The following EPM2AIP1 variants were observed in gnomAD, a reference collection of about 807,000 sequenced individuals.
EPM2AIP1 encodes EPM2A interacting protein 1.
In EPM2AIP1, 23 loss-of-function variants were observed where a neutral mutation model predicts 44.8. The ratio of observed to expected loss-of-function variants is 0.51; its 90% CI spans 0.37 to 0.73. The LOEUF is 0.73. Ranked by LOEUF, EPM2AIP1 falls within the 30% of genes least tolerant of loss-of-function variation. The pLI is 0.00. For synonymous variants in EPM2AIP1, 311 were observed against 284.3 expected (o/e 1.09, Z -0.94); for missense variants, 652 against 743.9 (o/e 0.88, Z 1.44).
Position 36,991,409 on chromosome 3 carries a change from A to G in EPM2AIP1, c.1669T>C (p.Cys557Arg). ...GTCAAATATGAAAAAGCCTTTTCAC[A>G]GATTTGGTTACTATCAAACAAGGAT... ...VASLFDSNQI[C>R]EKAFSYLTRN... Residue 557 changes from cysteine to arginine, a missense_variant, in exon 1 of 1, where the codon TGT becomes CGT. Coordinates refer to ENST00000322716, the MANE Select transcript of EPM2AIP1 (RefSeq NM_014805.4). 1 of 1,614,006 alleles carries G rather than the reference A, an allele frequency of 6.2e-7. No individual in the cohort carries two copies. The highest frequency in any genetic ancestry group is 1.1e-5 in the South Asian group (1 of 91,076).
Position 36,992,305 on chromosome 3 carries a change from C to G in EPM2AIP1, c.773G>C (p.Gly258Ala). ...CTTTTCTCTCATGTATGAGACGAGT[C>G]CTGAGTTCTCACCAATCATCCTCAA... The part of the protein sequence containing the change: ...HTLRMIGENS[G>A]LVSYMREKAV... Residue 258 changes from glycine to alanine, a missense_variant, in exon 1 of 1, where the codon GGA becomes GCA. Physicochemically the swap from Gly to Ala is moderately conservative, Grantham distance 60. Coordinates refer to ENST00000322716, the MANE Select transcript of EPM2AIP1 (RefSeq NM_014805.4). This position sits in a 1 kb window ranked among gnomAD's most constrained non-coding sequence, Gnocchi z 5.3. 8.1e-6 allele frequency: 13 copies of G among 1,613,948 alleles called. No homozygotes were observed. The highest frequency in any genetic ancestry group is 1.0e-5 in the Non-Finnish European group (12 of 1,179,894).
rs1445663178 is a variant in EPM2AIP1, at chr3:36,991,243, A to C, written c.*11T>G. On this transcript the variant is annotated 3_prime_UTR_variant, in exon 1 of 1. Transcript: ENST00000322716. ...TTCTTGTTGAGTTTTTCAATCTTGT[A>C]CTACAAAGCCTTATGGATTAGATTC... The C allele has an allele frequency of 6.4e-7, 1 of 1,551,054 alleles. No homozygotes were observed. The highest frequency in any genetic ancestry group is 1.4e-5 in the African/African-American group (1 of 72,234).
Position 36,991,058 on chromosome 3 carries a change from A to G in EPM2AIP1, c.*196T>C, listed in dbSNP as rs764134212. The G allele has an allele frequency of 3.1e-6, 4 of 1,277,108 alleles. No homozygotes were observed. The highest frequency in any genetic ancestry group is 4.0e-6 in the Non-Finnish European group (4 of 1,011,656). 79.1% of individuals were successfully genotyped at this position (1,277,108 alleles called of 1,614,324 possible). On this transcript the variant is annotated 3_prime_UTR_variant, in exon 1 of 1. Transcript: ENST00000322716. ...TAAACTAAGTTTTAAAAAAGGTGGC[A>G]TTCTCATGTTTCAGTCCCATGCTGC... is the stretch of plus-strand genomic sequence containing the variant.
In EPM2AIP1 at chr3:36,987,284, C is replaced by T. The variant is rs1187009177; in HGVS notation, c.*3970G>A. 6.6e-6 allele frequency: 1 copy of T among 152,374 alleles called. No homozygotes were observed. The highest frequency in any genetic ancestry group is 1.5e-5 in the Non-Finnish European group (1 of 67,988). 9.4% of individuals were successfully genotyped at this position (152,374 alleles called of 1,614,324 possible). A position where few individuals can be genotyped will look rare whatever the true frequency, so the allele number is the denominator to read the frequency against. On this transcript the variant is annotated 3_prime_UTR_variant, in exon 1 of 1. Coordinates refer to ENST00000322716, the MANE Select transcript of EPM2AIP1 (RefSeq NM_014805.4). Reference sequence around the variant, plus strand: ...TGCCATTTTCTCCTAGTGTTGATGCCTACAAAAGGAAAAATGATTATTAAC... The same window carrying T: ...TGCCATTTTCTCCTAGTGTTGATGCTTACAAAAGGAAAAATGATTATTAAC...
At position 36,989,740 on chromosome 3, in the gene EPM2AIP1, G is replaced by C. The variant is rs899335259; in HGVS notation, c.*1514C>G. The C allele has an allele frequency of 1.4e-4, 21 of 152,022 alleles. No homozygotes were observed. The highest frequency in any genetic ancestry group is 4.8e-4 in the African/African-American group (20 of 41,378). 9.4% of individuals were successfully genotyped at this position (152,022 alleles called of 1,614,324 possible). On this transcript the variant is annotated 3_prime_UTR_variant, in exon 1 of 1. Transcript: ENST00000322716. ...GCTTAAATGCCAACAGAAGCCCCTA[G>C]TAAATATGACAACCAAAAAAGTGCC... is the stretch of plus-strand genomic sequence containing the variant.
At position 36,991,068 on chromosome 3, in the gene EPM2AIP1, T is replaced by C; in HGVS notation, c.*186A>G. ...TTTAAAAAAGGTGGCATTCTCATGT[T>C]TCAGTCCCATGCTGCCATTTGAGAT... On this transcript the variant is annotated 3_prime_UTR_variant, in exon 1 of 1. Transcript: ENST00000322716. 2 of 1,308,140 alleles carry C rather than the reference T, an allele frequency of 1.5e-6. No homozygotes were observed. Among genetic ancestry groups the C allele is most frequent in the Non-Finnish European group, 1.9e-6 (2 of 1,029,118 alleles). The allele number at this position is 1,308,140 out of a possible 1,614,324, so 81.0% of individuals were successfully genotyped here.
In EPM2AIP1 at chr3:36,987,388, G is replaced by A. The variant is rs2080775084; in HGVS notation, c.*3866C>T. ...TATTGTTTTAGTTCACTAAGTAGTTGTCTAATCTTTTCCCTCTATATGTAG... is the reference window on the plus strand; with the variant it reads ...TATTGTTTTAGTTCACTAAGTAGTTATCTAATCTTTTCCCTCTATATGTAG... On this transcript the variant is annotated 3_prime_UTR_variant, in exon 1 of 1. Transcript: ENST00000322716. 6.7e-6 allele frequency: 1 copy of A among 149,568 alleles called. No individual in the cohort carries two copies. The highest frequency in any genetic ancestry group is 1.5e-5 in the Non-Finnish European group (1 of 67,574). The allele number at this position is 149,568 out of a possible 1,614,324, so 9.3% of individuals were successfully genotyped here. A position where few individuals can be genotyped will look rare whatever the true frequency, so the allele number is the denominator to read the frequency against.
chr3:36,992,931 G>A lies in EPM2AIP1; in HGVS notation c.147C>T (p.Thr49=), dbSNP rs1011798264. ...AGTGGCGCCTGACGTCGCGTTCGCG[G>A]GTAGCTACGATGAGGCGGCGACAGA... ...CLVCRRLIVA[T]RERDVRRHYE... The change falls in exon 1 of 1, where the codon ACC becomes ACT. Residue 49 remains threonine (T), a synonymous_variant. Coordinates refer to ENST00000322716, the MANE Select transcript of EPM2AIP1 (RefSeq NM_014805.4). This position sits in a 1 kb window ranked among gnomAD's most constrained non-coding sequence, Gnocchi z 5.3. 5.6e-6 allele frequency: 9 copies of A among 1,612,730 alleles called. No individual in the cohort carries two copies. The highest frequency in any genetic ancestry group is 1.3e-5 in the African/African-American group (1 of 75,064).
At position 36,986,862 on chromosome 3, in the gene EPM2AIP1, T is replaced by C. The variant is rs2080772577; in HGVS notation, c.*4392A>G. 1 of 150,514 alleles carries C rather than the reference T, an allele frequency of 6.6e-6. No homozygotes were observed. Among genetic ancestry groups the C allele is most frequent in the African/African-American group, 2.4e-5 (1 of 40,936 alleles). 9.3% of individuals were successfully genotyped at this position (150,514 alleles called of 1,614,324 possible). A position where few individuals can be genotyped will look rare whatever the true frequency, so the allele number is the denominator to read the frequency against. ...GACTATGACACCTACTGTTAAGATCTCTGAATGACTTAATATGCCTCAGAC... is the reference window on the plus strand; with the variant it reads ...GACTATGACACCTACTGTTAAGATCCCTGAATGACTTAATATGCCTCAGAC... On this transcript the variant is annotated 3_prime_UTR_variant, in exon 1 of 1. Transcript: ENST00000322716.
At position 36,991,698 on chromosome 3, in the gene EPM2AIP1, A is replaced by G. The variant is rs1376164106; in HGVS notation, c.1380T>C (p.Tyr460=). The G allele has an allele frequency of 3.1e-6, 5 of 1,613,464 alleles. No homozygotes were observed. Among genetic ancestry groups the G allele is most frequent in the Non-Finnish European group, 3.4e-6 (4 of 1,179,752 alleles). ...TTTGGAGACGACAGATCACCATTTG[A>G]TACCTATCAGGATCAAATATTTTTT... is the stretch of plus-strand genomic sequence containing the variant. The part of the protein sequence containing the change: ...EDEKIFDPDR[Y]QMVICRLQKE... Residue 460 remains tyrosine, a synonymous_variant, in exon 1 of 1, where the codon TAT becomes TAC. Transcript: ENST00000322716.
chr3:36,990,679 G>C lies in EPM2AIP1; in HGVS notation c.*575C>G, dbSNP rs2080796980. 1.0e-6 allele frequency: 1 copy of C among 985,546 alleles called. No homozygotes were observed. Among genetic ancestry groups the C allele is most frequent in the South Asian group, 4.7e-5 (1 of 21,276 alleles). The allele number at this position is 985,546 out of a possible 1,614,324, so 61.1% of individuals were successfully genotyped here. ...GTGTTATCACTGAGGTGGGTGATGG[G>C]GAGGGAAGAGGGAAGAAATCTGTCA... On this transcript the variant is annotated 3_prime_UTR_variant, in exon 1 of 1. Transcript: ENST00000322716.
Position 36,990,741 on chromosome 3 carries a change from T to C in EPM2AIP1, c.*513A>G, listed in dbSNP as rs2080797582. On this transcript the variant is annotated 3_prime_UTR_variant, in exon 1 of 1. Coordinates refer to ENST00000322716, the MANE Select transcript of EPM2AIP1 (RefSeq NM_014805.4). The stretch of plus-strand genomic sequence containing the variant: ...GAACTCAGAAATGTTTAAAAAAAAG[T>C]CTCAAACATTTTGATGGTTAGACAA... The C allele has an allele frequency of 2.0e-6, 2 of 985,480 alleles. No homozygotes were observed. The highest frequency in any genetic ancestry group is 2.4e-6 in the Non-Finnish European group (2 of 829,872). The allele number at this position is 985,480 out of a possible 1,614,324, so 61.0% of individuals were successfully genotyped here. A position where few individuals can be genotyped will look rare whatever the true frequency, so the allele number is the denominator to read the frequency against.
rs775598117 is a variant in EPM2AIP1 at position 36,991,399 on chromosome 3, G to A, written c.1679C>T (p.Ala560Val). Residue 560 changes from alanine to valine, a missense_variant, in exon 1 of 1, where the codon GCT becomes GTT. Coordinates refer to ENST00000322716, the MANE Select transcript of EPM2AIP1 (RefSeq NM_014805.4). ...LFDSNQICEK[A>V]FSYLTRNQHT... ...TTGGTTTCGAGTCAAATATGAAAAA[G>A]CCTTTTCACAGATTTGGTTACTATC... The A allele has an allele frequency of 1.2e-6, 2 of 1,613,944 alleles. No individual in the cohort carries two copies. The highest frequency in any genetic ancestry group is 1.1e-5 in the South Asian group (1 of 91,078).
Position 36,990,993 on chromosome 3 carries a change from T to C in EPM2AIP1, c.*261A>G. The C allele has an allele frequency of 8.8e-7, 1 of 1,139,126 alleles. No individual in the cohort carries two copies. 70.6% of individuals were successfully genotyped at this position (1,139,126 alleles called of 1,614,324 possible). On this transcript the variant is annotated 3_prime_UTR_variant, in exon 1 of 1. Coordinates refer to ENST00000322716, the MANE Select transcript of EPM2AIP1 (RefSeq NM_014805.4). Reference sequence around the variant, plus strand: ...CAACTCACATTAATACTAAATCTCTTTAAAATTAACTATATCATAAAAGAC... The same window carrying C: ...CAACTCACATTAATACTAAATCTCTCTAAAATTAACTATATCATAAAAGAC...
Position 36,985,499 on chromosome 3 carries a change from T to C in EPM2AIP1, c.*5755A>G, listed in dbSNP as rs1015155516. ...GCATATAAATGAAGATGTTAATCAG[T>C]GGTGTTGTCTTCCAAATATTTCTGG... On this transcript the variant is annotated 3_prime_UTR_variant, in exon 1 of 1. Coordinates refer to ENST00000322716, the MANE Select transcript of EPM2AIP1 (RefSeq NM_014805.4). 3 of 152,252 alleles carry C rather than the reference T, an allele frequency of 2.0e-5. No homozygotes were observed. The highest frequency in any genetic ancestry group is 4.8e-5 in the African/African-American group (2 of 41,464). 9.4% of individuals were successfully genotyped at this position (152,252 alleles called of 1,614,324 possible). A position where few individuals can be genotyped will look rare whatever the true frequency, so the allele number is the denominator to read the frequency against.
In EPM2AIP1 at chr3:36,987,969, G is replaced by C. The variant is rs1186919580; in HGVS notation, c.*3285C>G. On this transcript the variant is annotated 3_prime_UTR_variant, in exon 1 of 1. Transcript: ENST00000322716. The stretch of plus-strand genomic sequence containing the variant: ...GGTCCCTGCCCTTACAAAGCTTACA[G>C]TCTAGCAGTGATCAATAAGCAGTAA... The C allele has an allele frequency of 6.6e-6, 1 of 152,240 alleles. No homozygotes were observed. The highest frequency in any genetic ancestry group is 2.1e-4 in the South Asian group (1 of 4,836). 9.4% of individuals were successfully genotyped at this position (152,240 alleles called of 1,614,324 possible).
In EPM2AIP1 at chr3:36,991,777, A is replaced by G; in HGVS notation, c.1301T>C (p.Phe434Ser). 6.2e-7 allele frequency: 1 copy of G among 1,613,508 alleles called. No homozygotes were observed. The highest frequency in any genetic ancestry group is 8.5e-7 in the Non-Finnish European group (1 of 1,179,772). ...RHIEEKNLTD[F>S]PALREVVDEL... is the part of the protein sequence containing the mutation. ...ATCAACAACTTCTCTGAGGGCAGGA[A>G]AGTCTGTTAGATTTTTTTCCTCAAT... The change falls in exon 1 of 1, where the codon TTT (phenylalanine) becomes TCT (serine). Residue 434 changes from phenylalanine (F) to serine (S), a missense_variant. Physicochemically the swap from Phe to Ser is radical, Grantham distance 155 (BLOSUM62 -2). Coordinates refer to ENST00000322716, the MANE Select transcript of EPM2AIP1 (RefSeq NM_014805.4).
chr3:36,991,675 T>C lies in EPM2AIP1; in HGVS notation c.1403A>G (p.Gln468Arg). 6.2e-7 allele frequency: 1 copy of C among 1,612,594 alleles called. No homozygotes were observed. Among genetic ancestry groups the C allele is most frequent in the East Asian group, 2.2e-5 (1 of 44,876 alleles). Residue 468 changes from glutamine to arginine, a missense_variant, in exon 1 of 1, where the codon CAA becomes CGA. Gln to Arg is a conservative substitution (Grantham distance 43). Transcript: ENST00000322716. Reference protein sequence around the residue: ...DRYQMVICRLQKEFERHFKDL... With the variant: ...DRYQMVICRLRKEFERHFKDL... ...CTTAAAATGTCTCTCAAATTCTTTTTGGAGACGACAGATCACCATTTGATA... is the reference window on the plus strand; with the variant it reads ...CTTAAAATGTCTCTCAAATTCTTTTCGGAGACGACAGATCACCATTTGATA...
Position 36,992,590 on chromosome 3 carries a change from T to G in EPM2AIP1, c.488A>C (p.Asn163Thr), listed in dbSNP as rs1314950480. 1.9e-6 allele frequency: 3 copies of G among 1,613,928 alleles called. No individual in the cohort carries two copies. The highest frequency in any genetic ancestry group is 2.5e-6 in the Non-Finnish European group (3 of 1,179,912). Residue 163 changes from asparagine to threonine, a missense_variant, in exon 1 of 1, where the codon AAC becomes ACC. Transcript: ENST00000322716. This position sits in a 1 kb window ranked among gnomAD's most constrained non-coding sequence, Gnocchi z 5.3. ...RILSIDRNLR[N>T]QLFNRARDFK... ...GTCCCTGGCTCGGTTAAAAAGCTGG[T>G]TGCGTAGATTCCTGTCAATGCTCAG...
Sources: allele counts gnomAD v4.1 joint callset, GRCh38; gene constraint gnomAD v4.1.1; non-coding constraint Gnocchi (gnomAD v3.1); transcripts MANE v1.5; gene names NCBI Gene and HGNC (gene_info 2026-07-23, HGNC 2026-07-21).